The following LSM6 variants were observed in gnomAD, a reference collection of about 807,000 sequenced individuals.
The protein encoded by LSM6 is LSM6 homolog, U6 small nuclear RNA and mRNA degradation associated.
LSM6 carries 2 observed loss-of-function variants against 13.5 expected under a neutral mutation model. The observed-to-expected ratio is 0.15, with a 90% CI of 0.06 to 0.47. The LOEUF is 0.47. LSM6 is among the 20% of genes least tolerant of loss of function. The probability of loss-of-function intolerance (pLI) is 0.97; values close to 1 mark genes in which losing one functional copy is unlikely to be tolerated. For synonymous variants in LSM6, 43 were observed against 34.9 expected (o/e 1.23, Z -0.82); for missense variants, 58 against 96.4 (o/e 0.60, Z 1.67).
Position 146,190,259 on chromosome 4 carries a change from A to G in LSM6, c.*603A>G, listed in dbSNP as rs1730441104. 6.6e-6 allele frequency: 1 copy of G among 152,414 alleles called. No homozygotes were observed. Among genetic ancestry groups the G allele is most frequent in the Non-Finnish European group, 1.5e-5 (1 of 68,186 alleles). 9.4% of individuals were successfully genotyped at this position (152,414 alleles called of 1,614,324 possible). A position where few individuals can be genotyped will look rare whatever the true frequency, so the allele number is the denominator to read the frequency against. On this transcript the variant is annotated 3_prime_UTR_variant, in exon 4 of 4. Transcript: ENST00000296581. Reference sequence around the variant, plus strand: ...GAATTCGAACTGAGGTGCTGGAGAAATCCTAAAGATGAACAAGATTTCAGT... The same window carrying G: ...GAATTCGAACTGAGGTGCTGGAGAAGTCCTAAAGATGAACAAGATTTCAGT...
intron 3 of LSM6, among the ~76,000 whole-genome samples, chr4:146,189,330 A>G (rs1415147575): frequency 1.3e-5 from 2 of 152,216 alleles, no homozygotes; most frequent in African/African-American, 4.8e-5. Flanking sequence ...ACTATAAAGC[A>G]TTCTTAGATA....
At chr4:146,180,392 A>G (rs1730206801) in intron 1 of LSM6, among the ~76,000 whole-genome samples, 1 of 152,224 alleles carries the variant, frequency 6.6e-6, no homozygotes, top group Non-Finnish European at 1.5e-5. Context: ...ATTGATGTTA[A>G]TTGGAATACA....
chr4:146,188,133 T>A (rs1730388077), intron 3 of LSM6, among the ~76,000 whole-genome samples: 1 of 152,196 alleles, frequency 6.6e-6, no homozygotes, highest in Admixed American at 6.5e-5. Context: ...TTCCTGACTT[T>A]TATAATAAGA....
chr4:146,190,081 A>G lies in LSM6; in HGVS notation c.*425A>G, dbSNP rs1730436794. 1 of 157,258 alleles carries G rather than the reference A, an allele frequency of 6.4e-6. No homozygotes were observed. The highest frequency in any genetic ancestry group is 1.4e-5 in the Non-Finnish European group (1 of 71,812). 9.7% of individuals were successfully genotyped at this position (157,258 alleles called of 1,614,324 possible). On this transcript the variant is annotated 3_prime_UTR_variant, in exon 4 of 4. Coordinates refer to ENST00000296581, the MANE Select transcript of LSM6 (RefSeq NM_007080.3). ...ATTGCATCCTTTTCTGTTCATACAG[A>G]ATCCTTGCGTGAATATGTTCTACAA... is the stretch of plus-strand genomic sequence containing the variant.
rs996915537 is a variant in LSM6 at position 146,175,758 on chromosome 4, G to T, written c.-64G>T. ...TTCGGTTTTGGCTGGGATCATCCGC[G>T]GCGGCCGGGCTCGTGGGGCGCCTGG... On this transcript the variant is annotated 5_prime_UTR_variant, in exon 1 of 4. Transcript: ENST00000296581. 6.6e-6 allele frequency: 1 copy of T among 152,342 alleles called. No homozygotes were observed. Among genetic ancestry groups the T allele is most frequent in the South Asian group, 2.1e-4 (1 of 4,838 alleles). 9.4% of individuals were successfully genotyped at this position (152,342 alleles called of 1,614,324 possible).
chr4:146,179,655 G>A (rs1578676622), intron 1 of LSM6, among the ~76,000 whole-genome samples: 1 of 152,114 alleles, frequency 6.6e-6, no homozygotes, highest in African/African-American at 2.4e-5. Flanking sequence ...TATTTTGAGG[G>A]AGAAAAGACC....
chr4:146,188,301 G>T (rs1730391807), intron 3 of LSM6, among the ~76,000 whole-genome samples: 1 of 151,684 alleles, frequency 6.6e-6, no homozygotes, highest in Admixed American at 6.6e-5. Context: ...TTATGATCTT[G>T]TCTCACCTCA....
intron 2 of LSM6, 106 bp from the exon 3 acceptor site, chr4:146,187,168 A>G (rs1349735716): frequency 5.0e-6 from 3 of 602,686 alleles, no homozygotes; most frequent in Non-Finnish European, 9.0e-6. Flanking sequence ...TATATTAAGC[A>G]TCTAAGAACT....
Position 146,189,895 on chromosome 4 carries a change from T to TA in LSM6, c.*246dup, listed in dbSNP as rs887163044. 8 of 405,054 alleles carry TA rather than the reference T, an allele frequency of 2.0e-5. No homozygotes were observed. The Admixed American group carries it at 2.6e-4, about 13-fold the overall frequency. The allele number at this position is 405,054 out of a possible 1,614,324, so 25.1% of individuals were successfully genotyped here. ...TCAGTGTACAGAATGCTAAAATAAT[T>TA]AAAAAAAGACAAAATATACCTCTTC... On this transcript the variant is annotated 3_prime_UTR_variant, in exon 4 of 4. Transcript: ENST00000296581.
At position 146,190,894 on chromosome 4, in the gene LSM6, TGGG is replaced by T. The variant is rs1460716447; in HGVS notation, c.*1242_*1244del. 1 of 152,068 alleles carries T rather than the reference TGGG, an allele frequency of 6.6e-6. No individual in the cohort carries two copies. Among genetic ancestry groups the T allele is most frequent in the African/African-American group, 2.4e-5 (1 of 41,382 alleles). 9.4% of individuals were successfully genotyped at this position (152,068 alleles called of 1,614,324 possible). On this transcript the variant is annotated 3_prime_UTR_variant, in exon 4 of 4. Transcript: ENST00000296581. ...TCGAAACAACTGCTTGGTTGAAGGA[TGGG>T]GGGCAGGATCGAGAAGGAGAGAGGG...
intron 3 of LSM6, among the ~76,000 whole-genome samples, chr4:146,189,333 C>T (rs1282118637): frequency 6.6e-6 from 1 of 152,196 alleles, no homozygotes; most frequent in African/African-American, 2.4e-5. Context: ...ATAAAGCATT[C>T]TTAGATACCA....
chr4:146,183,192 A>T (rs1202794201), intron 2 of LSM6, 177 bp downstream of exon 2: 15 of 500,238 alleles, frequency 3.0e-5, no homozygotes, highest in Non-Finnish European at 4.8e-5. Flanking sequence ...GACAACTCTG[A>T]CAGTATAGCA....
chr4:146,184,747 T>A (rs538623270), intron 2 of LSM6, among the ~76,000 whole-genome samples: 1 of 152,212 alleles, frequency 6.6e-6, no homozygotes, highest in East Asian at 1.9e-4. Context: ...TTAGGGAAAA[T>A]TTTTCTATTT....
chr4:146,188,463 C>A (rs1730395582), intron 3 of LSM6, among the ~76,000 whole-genome samples: 1 of 152,144 alleles, frequency 6.6e-6, no homozygotes, highest in Non-Finnish European at 1.5e-5. Flanking sequence ...TGTCACATTT[C>A]CCATGATGTA....
At chr4:146,181,061 A>G (rs1236912111) in intron 1 of LSM6, 2 of 152,232 alleles carry the variant, frequency 1.3e-5, no homozygotes, top group African/African-American at 4.8e-5. Context: ...TAGTTGTAAT[A>G]GTAGTTGTAA....
intron 1 of LSM6, among the ~76,000 whole-genome samples, chr4:146,179,819 C>G (rs1167831657): frequency 6.6e-6 from 1 of 152,242 alleles, no homozygotes; most frequent in African/African-American, 2.4e-5. Flanking sequence ...CTTAAAACCC[C>G]TGTTTCCTAT....
At chr4:146,189,216 C>G (rs1730414296) in intron 3 of LSM6, among the ~76,000 whole-genome samples, 1 of 152,134 alleles carries the variant, frequency 6.6e-6, no homozygotes, top group South Asian at 2.1e-4. Flanking sequence ...TGGTCTCAAA[C>G]TTCTGAGCTC....
At chr4:146,182,337 ATGTC>A (rs1730249513) in intron 1 of LSM6, among the ~76,000 whole-genome samples, 1 of 152,216 alleles carries the variant, frequency 6.6e-6, no homozygotes, top group Non-Finnish European at 1.5e-5. Flanking sequence ...GTTCATAAAT[ATGTC>A]TGTTCTATAT....
rs200592014 is a variant in LSM6, at chr4:146,183,063, T to C, written c.94+48T>C. ...TCACTGGTATAACTGAATAAGTAAA[T>C]GTGACTTACTGATATTTATTAACCT... On this transcript the variant is annotated intron_variant, in intron 2 of 3. Transcript: ENST00000296581. 10 of 1,284,688 alleles carry C rather than the reference T, an allele frequency of 7.8e-6. No homozygotes were observed. In the East Asian group the frequency reaches 1.9e-4, roughly 24 times the overall value. The allele number at this position is 1,284,688 out of a possible 1,614,324, so 79.6% of individuals were successfully genotyped here.
Sources: gnomAD v4.1 joint callset for allele counts (sites outside exome capture counted in the v4.1 genomes callset) on GRCh38, gnomAD v4.1.1 for gene constraint, MANE v1.5 for transcripts, NCBI Gene and HGNC (gene_info 2026-07-23, HGNC 2026-07-21) for gene names.